Variants in ANKS1B observed in about 807,000 individuals in gnomAD.
ANKS1B encodes the protein ankyrin repeat and sterile alpha motif domain containing 1B.
ANKS1B carries 36 observed loss-of-function variants against 148.3 expected under a neutral mutation model. The observed-to-expected ratio is 0.24, with a 90% confidence interval of 0.19 to 0.32. The LOEUF is 0.32. ANKS1B is among the 10% of genes least tolerant of loss of function. The pLI is 1.00. For synonymous variants in ANKS1B, 542 were observed against 560.8 expected (o/e 0.97, Z 0.47); for missense variants, 1,157 against 1,542.6 (o/e 0.75, Z 4.19).
At chr12:98,870,874 G>C (rs1429028521) in intron 17 of ANKS1B, among the ~76,000 whole-genome samples, 1 of 152,212 alleles carries the variant, frequency 6.6e-6, no homozygotes, top group Non-Finnish European at 1.5e-5. Flanking sequence ...ACAGTAACAA[G>C]AAAGGTCCCT....
intron 11 of ANKS1B, among the ~76,000 whole-genome samples, chr12:99,442,050 G>C (rs534630153): frequency 6.6e-6 from 1 of 151,842 alleles, no homozygotes; most frequent in Non-Finnish European, 1.5e-5. Flanking sequence ...GCTTTAAAAT[G>C]CTGGAAATGC....
intron 1 of ANKS1B, among the ~76,000 whole-genome samples, chr12:99,975,860 A>G (rs1215931072): frequency 6.6e-6 from 1 of 152,172 alleles, no homozygotes; most frequent in African/African-American, 2.4e-5. Flanking sequence ...TATATACCCA[A>G]AAGAAAATAA....
intron 12 of ANKS1B, among the ~76,000 whole-genome samples, chr12:99,292,187 G>A (rs953943249): frequency 9.2e-5 from 14 of 151,690 alleles, no homozygotes; most frequent in East Asian, 3.9e-4. Context: ...GCTTCTGCAC[G>A]GCAAAAGAAA....
rs146990119 is a variant in ANKS1B at position 99,748,043 on chromosome 12, CA to C, written c.1128+24878del. Among the ~76,000 whole-genome samples the C allele has an allele frequency of 8.2e-3, 1,246 of 152,204 alleles. 22 individuals carry two copies. Among genetic ancestry groups the C allele is most frequent in the African/African-American group, 0.029 (1,195 of 41,560 alleles). ...GGTAGAGACTTAATTCTATTTTCTA[CA>C]GCTCTTAAAGGCTGATAATGCAGTT... On this transcript the variant is annotated intron_variant, in intron 8 of 26. Transcript: ENST00000683438.
intron 8 of ANKS1B, among the ~76,000 whole-genome samples, chr12:99,665,367 T>C (rs1372353079): frequency 6.6e-6 from 1 of 152,238 alleles, no homozygotes; most frequent in African/African-American, 2.4e-5. Flanking sequence ...ATAATAGTAC[T>C]TTTAATATAC....
At chr12:99,492,083 T>A (rs1054756192) in intron 10 of ANKS1B, among the ~76,000 whole-genome samples, 1 of 151,788 alleles carries the variant, frequency 6.6e-6, no homozygotes, top group Non-Finnish European at 1.5e-5. Context: ...TATCAAGACA[T>A]GAAAAACCGT....
chr12:99,040,882 G>A (rs2099958512), intron 17 of ANKS1B, among the ~76,000 whole-genome samples: 1 of 152,180 alleles, frequency 6.6e-6, no homozygotes, highest in South Asian at 2.1e-4. Context: ...TAATAATCAT[G>A]ATAGCAAAGG....
intron 15 of ANKS1B, among the ~76,000 whole-genome samples, chr12:99,145,490 G>A (rs1316337474): frequency 6.6e-6 from 1 of 152,016 alleles, no homozygotes; most frequent in Non-Finnish European, 1.5e-5. Context: ...ATTAGCAATC[G>A]CGAGGACATA....
chr12:98,836,025 T>A (rs2099360862), intron 17 of ANKS1B, among the ~76,000 whole-genome samples: 1 of 152,224 alleles, frequency 6.6e-6, no homozygotes. Flanking sequence ...TCTGAGATTA[T>A]GAAATGCTAA....
rs141925710 is a variant in ANKS1B at position 99,256,886 on chromosome 12, A to C, written c.1757-10022T>G. On this transcript the variant is annotated intron_variant, in intron 12 of 26. Coordinates refer to ENST00000683438, the MANE Select transcript of ANKS1B (RefSeq NM_001352186.2). ...TCTGGACCTGTGAATCCATATTTTT[A>C]TCAGTTTGGAAAAAAATCAGCCATT... Among the ~76,000 whole-genome samples the C allele has an allele frequency of 8.3e-3, 1,258 of 151,990 alleles. 10 individuals carry two copies. Among genetic ancestry groups the C allele is most frequent in the Non-Finnish European group, 0.011 (750 of 67,970 alleles).
chr12:99,025,909 G>T (rs1439549973), intron 17 of ANKS1B, among the ~76,000 whole-genome samples: 2 of 152,168 alleles, frequency 1.3e-5, no homozygotes, highest in Non-Finnish European at 2.9e-5. Context: ...AATTGCCAAT[G>T]CCTGGTGTCA....
chr12:99,483,920 A>G (rs776089196), intron 10 of ANKS1B, among the ~76,000 whole-genome samples: 4 of 151,918 alleles, frequency 2.6e-5, no homozygotes, highest in East Asian at 1.9e-4. Flanking sequence ...CTAATGATCT[A>G]TCTATTTTGT....
At chr12:99,252,257 G>A (rs564475117) in intron 12 of ANKS1B, among the ~76,000 whole-genome samples, 2 of 152,314 alleles carry the variant, frequency 1.3e-5, no homozygotes, top group South Asian at 4.1e-4. Flanking sequence ...CTATAATAGA[G>A]TGGTAGGGGA....
intron 8 of ANKS1B, among the ~76,000 whole-genome samples, chr12:99,666,935 A>G (rs1240591824): frequency 6.6e-6 from 1 of 151,194 alleles, no homozygotes; most frequent in Non-Finnish European, 1.5e-5. Context: ...GCAAATTTCA[A>G]GTATACAATG....
intron 9 of ANKS1B, among the ~76,000 whole-genome samples, chr12:99,595,539 T>C (rs560114438): frequency 1.3e-5 from 2 of 152,070 alleles, no homozygotes; most frequent in East Asian, 3.9e-4. Context: ...TTAGTATTAG[T>C]ATGTATCAAC....
chr12:98,824,080 C>G (rs1245093558), intron 19 of ANKS1B, among the ~76,000 whole-genome samples: 1 of 152,018 alleles, frequency 6.6e-6, no homozygotes, highest in Admixed American at 6.6e-5. Context: ...AAAAAAAAGC[C>G]CTCTCACTTG....
intron 17 of ANKS1B, among the ~76,000 whole-genome samples, chr12:99,010,673 A>G (rs1269296020): frequency 3.3e-5 from 5 of 152,186 alleles, no homozygotes; most frequent in African/African-American, 1.2e-4. Context: ...TGTTACTTAC[A>G]CAGTTCTCTT....
intron 12 of ANKS1B, among the ~76,000 whole-genome samples, chr12:99,274,681 CA>C (rs2077464384): frequency 6.6e-6 from 1 of 152,154 alleles, no homozygotes; most frequent in African/African-American, 2.4e-5. Flanking sequence ...AAACCTACAC[CA>C]TATGTTATAG....
intron 1 of ANKS1B, among the ~76,000 whole-genome samples, chr12:99,951,777 C>T (rs1335852425): frequency 6.6e-6 from 1 of 151,938 alleles, no homozygotes; most frequent in Admixed American, 6.6e-5. Flanking sequence ...CCAACTATAA[C>T]TCAGGAGGCT....
Sources: gnomAD v4.1 joint callset for allele counts (sites outside exome capture counted in the v4.1 genomes callset) on GRCh38, gnomAD v4.1.1 for gene constraint, MANE v1.5 for transcripts, NCBI Gene and HGNC (gene_info 2026-07-23, HGNC 2026-07-21) for gene names.